CHRM3: variants seen among roughly 807,000 people sequenced by gnomAD.
CHRM3 encodes the protein muscarinic acetylcholine receptor M3.
In CHRM3, 11 loss-of-function variants were observed where a neutral mutation model predicts 41.8. The observed-to-expected ratio is 0.26, with a 90% CI of 0.17 to 0.44. The LOEUF (loss-of-function observed/expected upper bound fraction) is 0.44. Ranked by LOEUF, CHRM3 falls within the 20% of genes least tolerant of loss-of-function variation. The pLI is 1.00. For missense variants in CHRM3, 571 were observed against 745.4 expected (o/e 0.77, Z 2.72); for synonymous variants, 297 against 301.4 (o/e 0.99, Z 0.15).
At chr1:239,704,411 A>G (rs1660952967) in intron 5 of CHRM3, 1 of 152,188 alleles carries the variant, frequency 6.6e-6, no homozygotes, top group Non-Finnish European at 1.5e-5. Context: ...TGATGAAAAA[A>G]AAGGAGGGGA....
intron 6 of CHRM3, among the ~76,000 whole-genome samples, chr1:239,863,230 C>G (rs940545596): frequency 3.3e-5 from 5 of 152,146 alleles, no homozygotes; most frequent in African/African-American, 1.2e-4. Context: ...TAAACTTAGG[C>G]CTTGCTACCA....
At chr1:239,833,542 C>G (rs1673060627) in intron 6 of CHRM3, among the ~76,000 whole-genome samples, 1 of 152,222 alleles carries the variant, frequency 6.6e-6, no homozygotes, top group Admixed American at 6.5e-5. Context: ...GAGGCTAATA[C>G]TTTCAGACCC....
intron 1 of CHRM3, among the ~76,000 whole-genome samples, chr1:239,460,158 C>T (rs1045156421): frequency 1.4e-4 from 22 of 152,094 alleles, no homozygotes; most frequent in African/African-American, 3.4e-4. Flanking sequence ...ACAGGAGACG[C>T]GCTGGACATT....
At chr1:239,535,967 A>G (rs1032369510) in intron 2 of CHRM3, among the ~76,000 whole-genome samples, 1 of 152,206 alleles carries the variant, frequency 6.6e-6, no homozygotes, top group East Asian at 1.9e-4. Context: ...TATCATAAGC[A>G]TAATTAGATG....
At chr1:239,867,554 C>T (rs1473038429) in intron 6 of CHRM3, among the ~76,000 whole-genome samples, 10 of 151,962 alleles carry the variant, frequency 6.6e-5, no homozygotes, top group Admixed American at 3.3e-4. Flanking sequence ...GGCATGGTGG[C>T]ACACACCTGT....
At position 239,907,724 on chromosome 1, in the gene CHRM3, G is replaced by A; in HGVS notation, c.273G>A (p.Val91=). ...VTIIGNILVI[V]SFKVNKQLKT... is the part of the protein sequence containing the mutation. ...TCATCGGCAACATCCTGGTAATTGT[G>A]TCATTTAAGGTCAACAAGCAGCTGA... is the stretch of plus-strand genomic sequence containing the variant. The change falls in exon 7 of 7, where the codon GTG becomes GTA. Residue 91 remains valine (V), a synonymous_variant. Transcript: ENST00000676153. This position sits in a 1 kb window ranked among gnomAD's most constrained non-coding sequence, Gnocchi z 5.4. 1 of 1,614,180 alleles carries A rather than the reference G, an allele frequency of 6.2e-7. No homozygotes were observed. The highest frequency in any genetic ancestry group is 8.5e-7 in the Non-Finnish European group (1 of 1,180,038).
chr1:239,690,712 T>C (rs1484992608), intron 5 of CHRM3, among the ~76,000 whole-genome samples: 1 of 152,164 alleles, frequency 6.6e-6, no homozygotes, highest in Admixed American at 6.5e-5. Context: ...AATTTTCTTC[T>C]CTGCTTGGGA....
At chr1:239,805,904 G>C (rs1305143962) in intron 5 of CHRM3, among the ~76,000 whole-genome samples, 1 of 152,116 alleles carries the variant, frequency 6.6e-6, no homozygotes, top group Non-Finnish European at 1.5e-5. Context: ...AAAGAGGTTT[G>C]CTTTCACGGT....
chr1:239,504,709 A>G (rs1290727725), intron 2 of CHRM3, among the ~76,000 whole-genome samples: 3 of 152,204 alleles, frequency 2.0e-5, no homozygotes, highest in Non-Finnish European at 4.4e-5. Flanking sequence ...TGGTATATTT[A>G]TATGTTGCAA....
chr1:239,600,473 C>T (rs1418505059), intron 3 of CHRM3, among the ~76,000 whole-genome samples: 1 of 152,022 alleles, frequency 6.6e-6, no homozygotes, highest in Non-Finnish European at 1.5e-5. Flanking sequence ...GGAATGGAAA[C>T]AAGAAAGACA....
chr1:239,667,923 C>T (rs7514567), intron 4 of CHRM3, among the ~76,000 whole-genome samples: 1 of 152,202 alleles, frequency 6.6e-6, no homozygotes, highest in Non-Finnish European at 1.5e-5. Context: ...TCTCCTACAA[C>T]TTAAAAGCAA....
chr1:239,817,642 A>G (rs1473352687), intron 5 of CHRM3, among the ~76,000 whole-genome samples: 1 of 151,946 alleles, frequency 6.6e-6, no homozygotes, highest in East Asian at 1.9e-4. Context: ...AAAATGCACA[A>G]GGACACACAT....
At chr1:239,775,528 A>C (rs1396999050) in intron 5 of CHRM3, among the ~76,000 whole-genome samples, 1 of 152,182 alleles carries the variant, frequency 6.6e-6, no homozygotes, top group Non-Finnish European at 1.5e-5. Context: ...TTTAATTTGT[A>C]CTCTAAGAAC....
intron 2 of CHRM3, among the ~76,000 whole-genome samples, chr1:239,512,083 G>C (rs1668958710): frequency 6.6e-6 from 1 of 152,166 alleles, no homozygotes; most frequent in African/African-American, 2.4e-5. Flanking sequence ...ACAGCCTAGA[G>C]TTGAAGGATT....
intron 1 of CHRM3, among the ~76,000 whole-genome samples, chr1:239,454,382 T>G (rs1241443499): frequency 1.3e-5 from 2 of 151,946 alleles, no homozygotes; most frequent in Non-Finnish European, 2.9e-5. Flanking sequence ...ACAGAACAAA[T>G]TGTGGAGGAA....
Position 239,623,469 on chromosome 1 carries a change from TC to T in CHRM3, c.-312-8753del, listed in dbSNP as rs549214796. ...ATCATTTTTTATGGCTGCATGGTATTCCATGGTGTATAAGTTTTTTTTTTTT... is the reference window on the plus strand; with the variant it reads ...ATCATTTTTTATGGCTGCATGGTATTCATGGTGTATAAGTTTTTTTTTTTT... On this transcript the variant is annotated intron_variant, in intron 3 of 6. Transcript: ENST00000676153. Among the ~76,000 whole-genome samples the T allele has an allele frequency of 2.8e-3, 414 of 147,080 alleles. 4 individuals carry two copies. Among genetic ancestry groups the T allele is most frequent in the African/African-American group, 9.9e-3 (399 of 40,448 alleles).
At chr1:239,806,913 A>G (rs920996190) in intron 5 of CHRM3, among the ~76,000 whole-genome samples, 5 of 152,202 alleles carry the variant, frequency 3.3e-5, no homozygotes, top group African/African-American at 1.2e-4. Flanking sequence ...AAAGAAGCGT[A>G]CATTCTGTTT....
At chr1:239,821,983 G>A (rs1055542665) in intron 5 of CHRM3, among the ~76,000 whole-genome samples, 1 of 152,140 alleles carries the variant, frequency 6.6e-6, no homozygotes, top group African/African-American at 2.4e-5. Context: ...TGAGGAAGGT[G>A]CCTGCTTCTC....
chr1:239,761,229 A>T (rs1419533501), intron 5 of CHRM3, among the ~76,000 whole-genome samples: 2 of 151,952 alleles, frequency 1.3e-5, no homozygotes, highest in African/African-American at 2.4e-5. Flanking sequence ...TCGACGTTTG[A>T]TGTGGTTCTT....
Sources: gnomAD v4.1 joint callset for allele counts (sites outside exome capture counted in the v4.1 genomes callset) on GRCh38, gnomAD v4.1.1 for gene constraint, Gnocchi (gnomAD v3.1) non-coding constraint, MANE v1.5 for transcripts, NCBI Gene and HGNC (gene_info 2026-07-23, HGNC 2026-07-21) for gene names.